Variants in MINDY4 observed in about 807,000 individuals in gnomAD.
The protein encoded by MINDY4 is MINDY lysine 48 deubiquitinase 4, also known as probable ubiquitin carboxyl-terminal hydrolase MINDY-4.
A neutral mutation model predicts 87.0 loss-of-function variants in MINDY4; 68 were observed. The ratio of observed to expected loss-of-function variants is 0.78; its 90% CI spans 0.64 to 0.96. MINDY4 has a LOEUF of 0.96. Among genes scored for constraint, MINDY4 ranks in the 40% least tolerant of loss-of-function variants. The probability of loss-of-function intolerance (pLI) is 0.00; values close to 1 mark genes in which losing one functional copy is unlikely to be tolerated. For synonymous variants in MINDY4, 379 were observed against 363.2 expected, an observed-to-expected ratio of 1.04 and a Z score of -0.50; for missense variants, 919 against 928.2, an observed-to-expected ratio of 0.99 and a Z score of 0.13.
chr7:30,869,776 G>A (rs1271316033), intron 13 of MINDY4, among the ~76,000 whole-genome samples: 1 of 152,150 alleles, frequency 6.6e-6, no homozygotes, highest in African/African-American at 2.4e-5. Context: ...TTAAGGGGAC[G>A]CAGTTCATGC....
At chr7:30,801,476 A>C (rs988117353) in intron 5 of MINDY4, among the ~76,000 whole-genome samples, 1 of 151,910 alleles carries the variant, frequency 6.6e-6, no homozygotes, top group African/African-American at 2.4e-5. Flanking sequence ...GCTGTCCTCC[A>C]CACCTGCCAT....
At chr7:30,838,347 A>C (rs943323255) in intron 7 of MINDY4, among the ~76,000 whole-genome samples, 7 of 152,128 alleles carry the variant, frequency 4.6e-5, no homozygotes, top group Non-Finnish European at 8.8e-5. Flanking sequence ...GAACCCCTTC[A>C]CTGGGGGGTT....
At chr7:30,819,975 C>T (rs992346100) in intron 5 of MINDY4, among the ~76,000 whole-genome samples, 2 of 139,084 alleles carry the variant, frequency 1.4e-5, no homozygotes, top group South Asian at 4.7e-4. Flanking sequence ...GATCTCGGCT[C>T]ACTGCAAGCT....
intron 5 of MINDY4, among the ~76,000 whole-genome samples, chr7:30,828,318 TTG>T (rs60396175): frequency 0.013 from 1,913 of 147,220 alleles, 22 homozygotes; most frequent in Admixed American, 0.038. Context: ...AGAACTCGAT[TTG>T]TGTGTGTGTG....
chr7:30,861,301 G>A (rs538737257), intron 13 of MINDY4, among the ~76,000 whole-genome samples: 10 of 152,338 alleles, frequency 6.6e-5, no homozygotes, highest in South Asian at 4.1e-4. Context: ...TAAGGATAGC[G>A]TCTGTGAAGC....
Position 30,782,010 on chromosome 7 carries a change from C to T in MINDY4, c.217C>T (p.Leu73Phe). ...AAATCCTCTAAAAACAAGCCTTGAA[C>T]TCATCACCAGATACTTTCTGGATCA... ...KENPLKTSLE[L>F]ITRYFLDHFG... The change falls in exon 3 of 18, where the codon CTC (leucine) becomes TTC (phenylalanine). Residue 73 changes from leucine to phenylalanine, a missense_variant. By Grantham distance (22) the Leu-to-Phe change is conservative. Coordinates refer to ENST00000265299, the MANE Select transcript of MINDY4 (RefSeq NM_032222.3). The T allele has an allele frequency of 6.2e-7, 1 of 1,614,018 alleles. No individual in the cohort carries two copies. The highest frequency in any genetic ancestry group is 1.3e-5 in the African/African-American group (1 of 75,014).
Position 30,791,550 on chromosome 7 carries a change from A to T in MINDY4, c.1049A>T (p.Gln350Leu). 1 of 1,613,034 alleles carries T rather than the reference A, an allele frequency of 6.2e-7. No homozygotes were observed. Among genetic ancestry groups the T allele is most frequent in the Non-Finnish European group, 8.5e-7 (1 of 1,179,404 alleles). Residue 350 changes from glutamine to leucine, a missense_variant, in exon 5 of 18, where the codon CAG becomes CTG. Transcript: ENST00000265299. ...QERLERAFKR[Q>L]GSQPAPVRKN... ...AGGCTGGAAAGAGCGTTCAAACGGC[A>T]GGGCAGCCAGCCCGCACCTGTCAGG...
At chr7:30,791,600 G>A (rs1027425922) in intron 5 of MINDY4, 26 bp downstream of exon 5, 4 of 1,566,460 alleles carry the variant, frequency 2.6e-6, no homozygotes, top group African/African-American at 2.7e-5. Flanking sequence ...AAAGGTGACG[G>A]CTTTTCAAAA....
intron 17 of MINDY4, among the ~76,000 whole-genome samples, chr7:30,887,993 A>G (rs1425366375): frequency 1.3e-5 from 2 of 152,194 alleles, no homozygotes; most frequent in Non-Finnish European, 2.9e-5. Flanking sequence ...TTTAAAGCAT[A>G]CAAGAGGCGT....
intron 5 of MINDY4, among the ~76,000 whole-genome samples, chr7:30,801,308 T>C (rs1471084363): frequency 6.6e-6 from 1 of 152,218 alleles, no homozygotes; most frequent in Non-Finnish European, 1.5e-5. Flanking sequence ...CACATCAGAC[T>C]ATTAAGGTTC....
chr7:30,810,901 A>C (rs911024305), intron 5 of MINDY4, among the ~76,000 whole-genome samples: 6 of 152,356 alleles, frequency 3.9e-5, no homozygotes, highest in African/African-American at 1.4e-4. Context: ...AAGACTATAA[A>C]GTCCTCTGTT....
intron 5 of MINDY4, among the ~76,000 whole-genome samples, chr7:30,801,954 A>AG (rs1787664448): frequency 1.3e-5 from 2 of 152,226 alleles, no homozygotes; most frequent in Non-Finnish European, 2.9e-5. Context: ...GGCCCTTGCC[A>AG]GCTCCATCCT....
chr7:30,791,264 A>G lies in MINDY4; in HGVS notation c.763A>G (p.Thr255Ala). The G allele has an allele frequency of 6.2e-7, 1 of 1,614,090 alleles. No homozygotes were observed. The highest frequency in any genetic ancestry group is 8.5e-7 in the Non-Finnish European group (1 of 1,180,010). ...GAAGGTCCCTGAGCTCTTTGTCTGCACCCAACAGGACATTCTGGCTTCGAG... is the reference window on the plus strand; with the variant it reads ...GAAGGTCCCTGAGCTCTTTGTCTGCGCCCAACAGGACATTCTGGCTTCGAG... ...SRKVPELFVC[T>A]QQDILASSNS... The change falls in exon 5 of 18, where the codon ACC becomes GCC. Residue 255 changes from threonine to alanine, a missense_variant. By Grantham distance (58) the Thr-to-Ala change is moderately conservative (BLOSUM62 0). Coordinates refer to ENST00000265299, the MANE Select transcript of MINDY4 (RefSeq NM_032222.3).
At chr7:30,813,879 A>G (rs531630671) in intron 5 of MINDY4, among the ~76,000 whole-genome samples, 23 of 151,912 alleles carry the variant, frequency 1.5e-4, no homozygotes, top group Non-Finnish European at 2.1e-4. Context: ...GTGTAGGTCA[A>G]AATTTCCTGG....
chr7:30,837,591 G>T (rs977383890), intron 7 of MINDY4, among the ~76,000 whole-genome samples: 1 of 151,988 alleles, frequency 6.6e-6, no homozygotes, highest in African/African-American at 2.4e-5. Context: ...AGCTACAGAG[G>T]GTCAGATACA....
chr7:30,813,322 T>C (rs1446783920), intron 5 of MINDY4, among the ~76,000 whole-genome samples: 1 of 152,206 alleles, frequency 6.6e-6, no homozygotes, highest in Non-Finnish European at 1.5e-5. Context: ...GGAGGGAAAC[T>C]TGCCCTGTGT....
chr7:30,822,627 TTTTA>T (rs74376606), intron 5 of MINDY4, among the ~76,000 whole-genome samples: 4 of 145,652 alleles, frequency 2.7e-5, no homozygotes, highest in Admixed American at 6.7e-5. Flanking sequence ...TGCCTGTCTA[TTTTA>T]TTTATTTATT....
chr7:30,821,775 G>T (rs1303957394), intron 5 of MINDY4, among the ~76,000 whole-genome samples: 1 of 151,526 alleles, frequency 6.6e-6, no homozygotes, highest in Non-Finnish European at 1.5e-5. Flanking sequence ...TCCTGATGGT[G>T]ATATTCTGAG....
At chr7:30,864,928 C>T (rs989488712) in intron 13 of MINDY4, among the ~76,000 whole-genome samples, 2 of 152,178 alleles carry the variant, frequency 1.3e-5, no homozygotes, top group Admixed American at 6.5e-5. Context: ...GGGGGAATCA[C>T]GGGGGTGGGT....
Sources: allele counts gnomAD v4.1 joint callset (sites outside exome capture counted in the v4.1 genomes callset), GRCh38; gene constraint gnomAD v4.1.1; transcripts MANE v1.5; gene names NCBI Gene and HGNC (gene_info 2026-07-23, HGNC 2026-07-21).